The following WWOX variants were observed in gnomAD, a reference collection of about 807,000 sequenced individuals.
The protein encoded by WWOX is WW domain containing oxidoreductase, also known as WW domain-containing oxidoreductase.
A neutral mutation model predicts 46.2 loss-of-function variants in WWOX; 69 were observed. The observed-to-expected ratio is 1.49, with a 90% CI of 1.23 to 1.82. The LOEUF is 1.82. WWOX is among the 40% of genes most tolerant of loss of function. WWOX has a pLI of 0.00. For synonymous variants in WWOX, 359 were observed against 202.6 expected (o/e 1.77, Z -6.56); for missense variants, 919 against 542.6 (o/e 1.69, Z -6.89).
chr16:78,433,530 A>G (rs2151387201), intron 8 of WWOX, among the ~76,000 whole-genome samples: 1 of 152,324 alleles, frequency 6.6e-6, no homozygotes, highest in Non-Finnish European at 1.5e-5. Flanking sequence ...CCAGTATTCC[A>G]GTTACCCAAA....
At chr16:79,033,294 A>T (rs1422646380) in intron 8 of WWOX, among the ~76,000 whole-genome samples, 1 of 148,250 alleles carries the variant, frequency 6.7e-6, no homozygotes, top group Admixed American at 6.8e-5. Flanking sequence ...ATATATATAC[A>T]CACATATGTA....
intron 8 of WWOX, among the ~76,000 whole-genome samples, chr16:79,123,812 A>T (rs950509690): frequency 6.6e-6 from 1 of 152,194 alleles, no homozygotes; most frequent in African/African-American, 2.4e-5. Context: ...GACAATTCAT[A>T]TCCCCGTGCC....
intron 8 of WWOX, among the ~76,000 whole-genome samples, chr16:78,612,558 C>G (rs2045926481): frequency 6.6e-6 from 1 of 152,212 alleles, no homozygotes; most frequent in Admixed American, 6.5e-5. Flanking sequence ...TCATTGCAGC[C>G]TGGAACTCAT....
intron 5 of WWOX, among the ~76,000 whole-genome samples, chr16:78,220,909 A>G (rs1188601473): frequency 2.0e-5 from 3 of 152,220 alleles, no homozygotes; most frequent in African/African-American, 7.2e-5. Context: ...AGGATTAAGG[A>G]TATCCACTGA....
intron 8 of WWOX, chr16:79,101,281 G>T (rs570856185): frequency 6.6e-6 from 1 of 152,170 alleles, no homozygotes; most frequent in Non-Finnish European, 1.5e-5. Flanking sequence ...AAATGAGCTT[G>T]ATTCTGTTTA....
At chr16:78,306,757 T>C (rs2080141043) in intron 5 of WWOX, among the ~76,000 whole-genome samples, 1 of 151,458 alleles carries the variant, frequency 6.6e-6, no homozygotes, top group Non-Finnish European at 1.5e-5. Flanking sequence ...CTCTGTCCCA[T>C]AATTCCCTGT....
chr16:78,588,416 G>A (rs750045789), intron 8 of WWOX, among the ~76,000 whole-genome samples: 1 of 152,212 alleles, frequency 6.6e-6, no homozygotes, highest in Non-Finnish European at 1.5e-5. Flanking sequence ...TCTGTACTCA[G>A]ATGAGGCTTG....
intron 8 of WWOX, among the ~76,000 whole-genome samples, chr16:79,093,647 C>G (rs1330407248): frequency 6.6e-6 from 1 of 152,210 alleles, no homozygotes; most frequent in African/African-American, 2.4e-5. Context: ...AACATCACGA[C>G]ATTACTTTTA....
intron 4 of WWOX, among the ~76,000 whole-genome samples, chr16:78,131,171 A>T (rs887244109): frequency 6.6e-6 from 1 of 152,182 alleles, no homozygotes; most frequent in African/African-American, 2.4e-5. Context: ...GCAGTGTGTG[A>T]CTGTACCAGC....
chr16:78,319,960 C>A (rs1031817554), intron 5 of WWOX, among the ~76,000 whole-genome samples: 1 of 152,152 alleles, frequency 6.6e-6, no homozygotes, highest in African/African-American at 2.4e-5. Flanking sequence ...GCATCTAATC[C>A]CAATCAGAAT....
At chr16:79,069,007 G>C (rs1267551913) in intron 8 of WWOX, among the ~76,000 whole-genome samples, 1 of 152,158 alleles carries the variant, frequency 6.6e-6, no homozygotes, top group Non-Finnish European at 1.5e-5. Flanking sequence ...GTGTGCACCT[G>C]AGAAGTAGTT....
At chr16:79,000,642 C>T (rs374870151) in intron 8 of WWOX, among the ~76,000 whole-genome samples, 5 of 152,174 alleles carry the variant, frequency 3.3e-5, no homozygotes, top group African/African-American at 1.2e-4. Flanking sequence ...CAGAAAGGCA[C>T]GAAGCCCTGC....
chr16:78,109,485 C>G (rs1029090939), intron 2 of WWOX, among the ~76,000 whole-genome samples: 5 of 152,196 alleles, frequency 3.3e-5, no homozygotes, highest in African/African-American at 1.2e-4. Flanking sequence ...TCTTTGAGCT[C>G]ATTCAAGGGA....
rs150800492 is a variant in WWOX, at chr16:78,922,599, G to A, written c.1057-289009G>A. ...TCACCATGTTGCCCAGGCTGCTCTC[G>A]AGCTCCTGACCTTAGGTGATCCCCT... On this transcript the variant is annotated intron_variant, in intron 8 of 8. Coordinates refer to ENST00000566780, the MANE Select transcript of WWOX (RefSeq NM_016373.4). 8.2e-3 allele frequency among the ~76,000 whole-genome samples: 1,245 copies of A among 152,158 alleles called. 15 individuals are homozygous for A. The highest frequency in any genetic ancestry group is 0.028 in the African/African-American group (1,168 of 41,518).
intron 8 of WWOX, among the ~76,000 whole-genome samples, chr16:78,923,252 A>T (rs13336781): frequency 6.6e-6 from 1 of 151,952 alleles, no homozygotes; most frequent in African/African-American, 2.4e-5. Flanking sequence ...AAGCACTGGG[A>T]TTACAGGCTT....
intron 8 of WWOX, among the ~76,000 whole-genome samples, chr16:78,629,780 T>C (rs1269932792): frequency 1.3e-5 from 2 of 152,220 alleles, no homozygotes; most frequent in African/African-American, 2.4e-5. Context: ...GGGTCTTTCA[T>C]ATAAGTATTT....
chr16:78,362,394 G>T (rs920629690), intron 5 of WWOX, among the ~76,000 whole-genome samples: 4 of 152,196 alleles, frequency 2.6e-5, no homozygotes, highest in African/African-American at 9.7e-5. Context: ...TGGATCACCT[G>T]ATGATAGGAG....
chr16:78,867,385 T>C (rs1316514349), intron 8 of WWOX, among the ~76,000 whole-genome samples: 1 of 152,174 alleles, frequency 6.6e-6, no homozygotes, highest in East Asian at 1.9e-4. Context: ...CACAATCTTT[T>C]ACACATCTTA....
intron 8 of WWOX, among the ~76,000 whole-genome samples, chr16:79,024,291 C>T (rs984024256): frequency 1.4e-4 from 22 of 152,284 alleles, no homozygotes; most frequent in African/African-American, 2.9e-4. Flanking sequence ...CAGGGCCTTA[C>T]GCTGCTGCGT....
Sources: gnomAD v4.1 joint callset for allele counts (sites outside exome capture counted in the v4.1 genomes callset) on GRCh38, gnomAD v4.1.1 for gene constraint, MANE v1.5 for transcripts, NCBI Gene and HGNC (gene_info 2026-07-23, HGNC 2026-07-21) for gene names.